The following OGDHL variants were observed in gnomAD, a reference collection of about 807,000 sequenced individuals.
The protein encoded by OGDHL is oxoglutarate dehydrogenase L, also known as 2-oxoglutarate dehydrogenase-like, mitochondrial.
OGDHL carries 79 observed loss-of-function variants against 109.6 expected under a neutral mutation model. The ratio of observed to expected loss-of-function variants is 0.72; its 90% CI spans 0.60 to 0.87. The LOEUF is 0.87. Among genes scored for constraint, OGDHL ranks in the 40% least tolerant of loss-of-function variants. The pLI, the probability that OGDHL is intolerant of heterozygous loss-of-function variation, is 0.00. For missense variants in OGDHL, 1,275 were observed against 1,362.2 expected, an observed-to-expected ratio of 0.94 and a Z score of 1.01; for synonymous variants, 528 against 537.2, an observed-to-expected ratio of 0.98 and a Z score of 0.24.
intron 7 of OGDHL, among the ~76,000 whole-genome samples, chr10:49,750,483 G>A (rs1255253452): frequency 6.6e-6 from 1 of 152,184 alleles, no homozygotes; most frequent in Non-Finnish European, 1.5e-5. Context: ...AACTGCCCAG[G>A]CCCTGCCCTC....
Position 49,735,279 on chromosome 10 carries a change from C to G in OGDHL, c.2982G>C (p.Lys994Asn). 6.2e-7 allele frequency: 1 copy of G among 1,614,198 alleles called. No homozygotes were observed. The highest frequency in any genetic ancestry group is 8.5e-7 in the Non-Finnish European group (1 of 1,180,018). The change falls in exon 23 of 23, where the codon AAG becomes AAC. Residue 994 changes from lysine (K) to asparagine (N), a missense_variant. Coordinates refer to ENST00000374103, the MANE Select transcript of OGDHL (RefSeq NM_018245.3). Reference protein sequence around the residue: ...NRNTHLVSLKKFLDTAFNLQA... With the variant: ...NRNTHLVSLKNFLDTAFNLQA... ...GGAGATTGAAGGCAGTATCCAGAAA[C>G]TTCTTCAGTGACACCAGGTGAGTGT...
intron 13 of OGDHL, 109 bp from the exon 14 acceptor site, chr10:49,744,231 G>A (rs1590713974): frequency 9.2e-6 from 13 of 1,412,610 alleles, no homozygotes; most frequent in South Asian, 5.4e-5. Context: ...AAACTCCACC[G>A]GCACTCGGAC....
chr10:49,746,881 G>T lies in OGDHL; in HGVS notation c.1168-3C>A. 6.2e-7 allele frequency: 1 copy of T among 1,614,122 alleles called. No homozygotes were observed. The highest frequency in any genetic ancestry group is 1.1e-5 in the South Asian group (1 of 91,080). On this transcript the variant is annotated splice_polypyrimidine_tract_variant and splice_region_variant and intron_variant, in intron 9 of 22. Coordinates refer to ENST00000374103, the MANE Select transcript of OGDHL (RefSeq NM_018245.3). ...CCATGAACCAGGATGGACATGACCT[G>T]CAGGGCAGGTGTGAGCCAGGAGGGG...
At chr10:49,744,785 CA>C (rs34967163) in intron 12 of OGDHL, 33 bp from the exon 13 acceptor site, 1 of 1,572,098 alleles carries the variant, frequency 6.4e-7, no homozygotes, top group South Asian at 1.1e-5. Flanking sequence ...GACAGAGCAC[CA>C]AAGCCCTGCG....
chr10:49,754,896 T>C (rs1842825960), intron 3 of OGDHL, among the ~76,000 whole-genome samples: 1 of 152,198 alleles, frequency 6.6e-6, no homozygotes, highest in African/African-American at 2.4e-5. Context: ...TAAGAGCCAC[T>C]TTAGCCTATT....
rs749392833 is a variant in OGDHL at position 49,756,813 on chromosome 10, T to A, written c.338A>T (p.Asp113Val). The A allele has an allele frequency of 1.2e-6, 2 of 1,613,966 alleles. No individual in the cohort carries two copies. Among genetic ancestry groups the A allele is most frequent in the South Asian group, 1.1e-5 (1 of 91,000 alleles). Residue 113 changes from aspartate to valine, a missense_variant, in exon 3 of 23, where the codon GAC (aspartate) becomes GTC (valine). Transcript: ENST00000374103. ...GATCAGGGACTGCACAGCCAGGTGG[T>A]CCTCCACCAATTTGCTGGTCTTGGT... ...SRTKTSKLVE[D>V]HLAVQSLIRA...
At position 49,736,494 on chromosome 10, in the gene OGDHL, C is replaced by T; in HGVS notation, c.2617G>A (p.Glu873Lys). 1 of 1,613,640 alleles carries T rather than the reference C, an allele frequency of 6.2e-7. No individual in the cohort carries two copies. The highest frequency in any genetic ancestry group is 8.5e-7 in the Non-Finnish European group (1 of 1,179,986). Reference protein sequence around the residue: ...SGTSFQRVIPEDGAAARAPEQ... With the variant: ...SGTSFQRVIPKDGAAARAPEQ... Reference sequence around the variant, plus strand: ...GGGGCCCGTGCTGCGGCCCCATCTTCAGGAATCACCCGCTGGAAGCTGGTC... The same window carrying T: ...GGGGCCCGTGCTGCGGCCCCATCTTTAGGAATCACCCGCTGGAAGCTGGTC... The change falls in exon 21 of 23, where the codon GAA (glutamate) becomes AAA (lysine). Residue 873 changes from glutamate (E) to lysine (K), a missense_variant. Glu to Lys is a moderately conservative substitution (Grantham distance 56). Coordinates refer to ENST00000374103, the MANE Select transcript of OGDHL (RefSeq NM_018245.3).
chr10:49,742,128 T>TAC (rs939194508), intron 15 of OGDHL, among the ~76,000 whole-genome samples: 1 of 109,554 alleles, frequency 9.1e-6, no homozygotes, highest in Non-Finnish European at 1.8e-5. Context: ...ATACACACCC[T>TAC]ACACACACAC....
intron 13 of OGDHL, 105 bp downstream of exon 13, chr10:49,744,544 TA>T: frequency 1.2e-6 from 1 of 865,402 alleles, no homozygotes; most frequent in Non-Finnish European, 1.9e-6. Flanking sequence ...CTGCAGCCTC[TA>T]GACTAGGCAA....
rs41281981 is a variant in OGDHL, at chr10:49,743,987, A to G, written c.1861+7T>C. On this transcript the variant is annotated splice_region_variant and intron_variant, in intron 14 of 22. Coordinates refer to ENST00000374103, the MANE Select transcript of OGDHL (RefSeq NM_018245.3). ...AGCCTGGGCTGCAGCCTGTCCAGCA[A>G]CCTCACCAGTGTGGATCTTAAAGTC... The G allele has an allele frequency of 8.4e-3, 13,498 of 1,611,570 alleles. 67 individuals carry two copies. The highest frequency in any genetic ancestry group is 0.012 in the Middle Eastern group (74 of 6,026).
intron 1 of OGDHL, 112 bp from the exon 2 acceptor site, chr10:49,758,705 G>A (rs1843073074): frequency 9.5e-7 from 1 of 1,058,126 alleles, no homozygotes; most frequent in Non-Finnish European, 1.4e-6. Context: ...GGCAGATGGT[G>A]CTGGGCTAGG....
Position 49,744,734 on chromosome 10 carries a change from C to A in OGDHL, c.1648G>T (p.Asp550Tyr). 2 of 1,614,102 alleles carry A rather than the reference C, an allele frequency of 1.2e-6. No homozygotes were observed. Among genetic ancestry groups the A allele is most frequent in the East Asian group, 2.2e-5 (1 of 44,884 alleles). ...QEFEEEIAKY[D>Y]RICEEAYGRS... ...CCATAAGCCTCCTCACAGATCCGGT[C>A]GTATTTGGCAATTTCTTCCTGGAAT... Residue 550 changes from aspartate (D) to tyrosine (Y), a missense_variant, in exon 13 of 23, where the codon GAC (aspartate) becomes TAC (tyrosine). Transcript: ENST00000374103.
Position 49,739,681 on chromosome 10 carries a change from G to A in OGDHL, c.2299C>T (p.Pro767Ser). 2 of 1,613,454 alleles carry A rather than the reference G, an allele frequency of 1.2e-6. No individual in the cohort carries two copies. The highest frequency in any genetic ancestry group is 1.7e-6 in the Non-Finnish European group (2 of 1,179,630). The part of the protein sequence containing the change: ...VRHNGIVLLL[P>S]HGMEGMGPEH... The stretch of plus-strand genomic sequence containing the variant: ...CTCACCATGCCTTCCATGCCATGGG[G>A]CAGCAGCAGCACAATGCCATTATGC... The change falls in exon 17 of 23, where the codon CCC becomes TCC. Residue 767 changes from proline (P) to serine (S), a missense_variant. Physicochemically the swap from Pro to Ser is moderately conservative, Grantham distance 74. Transcript: ENST00000374103.
At position 49,736,345 on chromosome 10, in the gene OGDHL, G is replaced by T; in HGVS notation, c.2754+12C>A. ...TGCCCATCACTTGACTGTACAAGGGGTTCAGGCACACCTGCTCCAGGCGCG... is the reference window on the plus strand; with the variant it reads ...TGCCCATCACTTGACTGTACAAGGGTTTCAGGCACACCTGCTCCAGGCGCG... On this transcript the variant is annotated intron_variant, in intron 21 of 22. Transcript: ENST00000374103. 1 of 1,614,084 alleles carries T rather than the reference G, an allele frequency of 6.2e-7. No individual in the cohort carries two copies. Among genetic ancestry groups the T allele is most frequent in the Non-Finnish European group, 8.5e-7 (1 of 1,179,974 alleles).
At chr10:49,750,794 G>A (rs1281425865) in intron 7 of OGDHL, 45 bp downstream of exon 7, 2 of 1,557,698 alleles carry the variant, frequency 1.3e-6, no homozygotes, top group East Asian at 2.3e-5. Context: ...TCTGTCCCCT[G>A]GGCTGGAGGA....
At chr10:49,761,290 A>T (rs541924468) in intron 1 of OGDHL, among the ~76,000 whole-genome samples, 1 of 152,218 alleles carries the variant, frequency 6.6e-6, no homozygotes, top group South Asian at 2.1e-4. Context: ...TCAGAACCTC[A>T]ACCCAACCCC....
intron 8 of OGDHL, among the ~76,000 whole-genome samples, chr10:49,748,097 T>C (rs1412534473): frequency 6.6e-6 from 1 of 151,692 alleles, no homozygotes; most frequent in Non-Finnish European, 1.5e-5. Context: ...CCTGGGAGGG[T>C]CGTTCAGTCC....
At chr10:49,742,172 GCCCCACACACACTATACACA>G (rs1270934520) in intron 15 of OGDHL, among the ~76,000 whole-genome samples, 1 of 90,280 alleles carries the variant, frequency 1.1e-5, no homozygotes, top group South Asian at 4.6e-4. Context: ...CACCATACAC[GCCCCACACACACTATACACA>G]CCCCACACAC....
intron 20 of OGDHL, 100 bp from the exon 21 acceptor site, chr10:49,736,620 A>C: frequency 3.0e-6 from 4 of 1,321,738 alleles, no homozygotes; most frequent in Non-Finnish European, 4.1e-6. Flanking sequence ...AGCCACTGAC[A>C]CTAACTGCAG....
Sources: allele counts gnomAD v4.1 joint callset (sites outside exome capture counted in the v4.1 genomes callset), GRCh38; gene constraint gnomAD v4.1.1; transcripts MANE v1.5; gene names NCBI Gene and HGNC (gene_info 2026-07-23, HGNC 2026-07-21).